DOCK8: variants seen among roughly 807,000 people sequenced by gnomAD.
The protein encoded by DOCK8 is dedicator of cytokinesis protein 8.
In DOCK8, 141 loss-of-function variants were observed where a neutral mutation model predicts 245.6. That is an observed-to-expected ratio of 0.57 (90% CI 0.50 to 0.66). The LOEUF (loss-of-function observed/expected upper bound fraction) is 0.66. Among genes scored for constraint, DOCK8 ranks in the 30% least tolerant of loss-of-function variants. The pLI is 0.00. For missense variants in DOCK8, 2,965 were observed against 2,603.4 expected (o/e 1.14, Z -3.02); for synonymous variants, 1,168 against 970.2 (o/e 1.20, Z -3.79).
chr9:400,156 A>AT (rs2054764727), intron 26 of DOCK8, among the ~76,000 whole-genome samples: 1 of 61,862 alleles, frequency 1.6e-5, no homozygotes, highest in African/African-American at 8.0e-5. Context: ...CACCATCACC[A>AT]CCACCACCAC....
intron 1 of DOCK8, among the ~76,000 whole-genome samples, chr9:217,515 G>T (rs574239369): frequency 5.6e-4 from 85 of 152,260 alleles, no homozygotes; most frequent in South Asian, 1.5e-3. Flanking sequence ...AAGTATAAAA[G>T]GTTCTATAAT....
At chr9:410,881 T>A (rs1301601651) in intron 28 of DOCK8, among the ~76,000 whole-genome samples, 1 of 152,132 alleles carries the variant, frequency 6.6e-6, no homozygotes, top group Non-Finnish European at 1.5e-5. Flanking sequence ...AATTGAAAGA[T>A]TCAACACAAT....
chr9:223,022 G>A (rs1389630095), intron 1 of DOCK8, among the ~76,000 whole-genome samples: 1 of 152,046 alleles, frequency 6.6e-6, no homozygotes. Flanking sequence ...AGAGAGTATG[G>A]ACCTCTTTCA....
intron 1 of DOCK8, among the ~76,000 whole-genome samples, chr9:219,636 C>T (rs1049912934): frequency 2.0e-5 from 3 of 152,122 alleles, no homozygotes; most frequent in African/African-American, 4.8e-5. Flanking sequence ...GTGGCTCACA[C>T]CTGTAACCCT....
intron 1 of DOCK8, among the ~76,000 whole-genome samples, chr9:233,317 C>A (rs1043929636): frequency 6.6e-6 from 1 of 152,024 alleles, no homozygotes; most frequent in East Asian, 1.9e-4. Context: ...TTACTGCCAA[C>A]TATGTGGTCA....
intron 9 of DOCK8, 62 bp downstream of exon 9, chr9:328,233 CAT>C (rs1351837035): frequency 1.7e-5 from 26 of 1,553,644 alleles, no homozygotes; most frequent in Middle Eastern, 1.7e-4. Flanking sequence ...GTTCCCAGCA[CAT>C]GTTTGGGGTG....
chr9:418,309 T>TC, intron 30 of DOCK8, 102 bp downstream of exon 30: 2 of 1,515,996 alleles, frequency 1.3e-6, no homozygotes, highest in Non-Finnish European at 1.8e-6. Context: ...TCTCACTCTG[T>TC]TGCACAGGCT....
At chr9:396,024 A>G (rs759628675) in intron 24 of DOCK8, among the ~76,000 whole-genome samples, 4 of 152,164 alleles carry the variant, frequency 2.6e-5, no homozygotes, top group Non-Finnish European at 5.9e-5. Context: ...ATATCTATAT[A>G]GAGATACTAG....
intron 7 of DOCK8, among the ~76,000 whole-genome samples, chr9:318,601 A>G (rs922958203): frequency 6.6e-6 from 1 of 152,202 alleles, no homozygotes; most frequent in African/African-American, 2.4e-5. Flanking sequence ...GGCCAGTTCT[A>G]CCAGAGGGTC....
At chr9:247,182 T>C (rs181081733) in intron 1 of DOCK8, among the ~76,000 whole-genome samples, 50 of 152,368 alleles carry the variant, frequency 3.3e-4, no homozygotes, top group Admixed American at 2.5e-3. Flanking sequence ...ACATAAATTG[T>C]TATTTACACC....
rs544285598 is a variant in DOCK8 at position 383,022 on chromosome 9, A to G, written c.2778+337A>G. On this transcript the variant is annotated intron_variant, in intron 22 of 47. Transcript: ENST00000432829. ...TAGCTTTAACTTTTGATACCTGGAA[A>G]GGTTGCCTTTAATTTAGTTTTGTTT... is the stretch of plus-strand genomic sequence containing the variant. Among the ~76,000 whole-genome samples the G allele has an allele frequency of 6.6e-5, 10 of 152,316 alleles. No individual in the cohort carries two copies. The South Asian group carries it at 2.1e-3, about 32-fold the overall frequency.
At chr9:330,796 T>C (rs1322793399) in intron 9 of DOCK8, among the ~76,000 whole-genome samples, 1 of 152,218 alleles carries the variant, frequency 6.6e-6, no homozygotes, top group Non-Finnish European at 1.5e-5. Context: ...GAGTCATGCA[T>C]TTCATTACAC....
At chr9:384,188 T>G (rs1418377145) in intron 22 of DOCK8, among the ~76,000 whole-genome samples, 4 of 152,212 alleles carry the variant, frequency 2.6e-5, no homozygotes, top group Non-Finnish European at 5.9e-5. Flanking sequence ...TCATTAGGAA[T>G]TTTTTAAAGA....
chr9:257,809 G>T (rs1396984223), intron 1 of DOCK8, among the ~76,000 whole-genome samples: 1 of 152,296 alleles, frequency 6.6e-6, no homozygotes, highest in East Asian at 1.9e-4. Flanking sequence ...GAGCCACCGC[G>T]CCCAGCCAGG....
chr9:264,792 C>A (rs1030690519), intron 1 of DOCK8, among the ~76,000 whole-genome samples: 2 of 152,176 alleles, frequency 1.3e-5, no homozygotes, highest in African/African-American at 4.8e-5. Flanking sequence ...ATGTGGTCAA[C>A]TCCAGGAACT....
chr9:379,197 C>T (rs980052808), intron 20 of DOCK8, among the ~76,000 whole-genome samples: 4 of 152,112 alleles, frequency 2.6e-5, no homozygotes, highest in Admixed American at 1.3e-4. Flanking sequence ...ACTATAGAGG[C>T]TTAGGGCACC....
At chr9:285,012 G>A (rs989975260) in intron 2 of DOCK8, among the ~76,000 whole-genome samples, 3 of 152,030 alleles carry the variant, frequency 2.0e-5, no homozygotes, top group Non-Finnish European at 4.4e-5. Context: ...ATACCTGGGT[G>A]ATAAAATAAT....
At chr9:316,850 T>A (rs1388876224) in intron 6 of DOCK8, among the ~76,000 whole-genome samples, 193 bp from the exon 7 acceptor site, 1 of 152,178 alleles carries the variant, frequency 6.6e-6, no homozygotes, top group African/African-American at 2.4e-5. Flanking sequence ...GGAGAAACTG[T>A]TTTGCTGCAA....
At chr9:325,547 G>C (rs557554150) in intron 7 of DOCK8, 124 bp from the exon 8 acceptor site, 2 of 813,304 alleles carry the variant, frequency 2.5e-6, no homozygotes, top group South Asian at 2.8e-5. Flanking sequence ...CATATACTTG[G>C]AGTTTTCCAA....
Sources: gnomAD v4.1 joint callset for allele counts (sites outside exome capture counted in the v4.1 genomes callset) on GRCh38, gnomAD v4.1.1 for gene constraint, MANE v1.5 for transcripts, NCBI Gene and HGNC (gene_info 2026-07-23, HGNC 2026-07-21) for gene names.